SLC35D4: variants seen among roughly 807,000 people sequenced by gnomAD.
SLC35D4 encodes the protein UDP-N-acetylglucosamine transporter SLC35D4.
At chr18:23,285,179 C>G in the SLC35D4 span, among the ~76,000 whole-genome samples, 1 of 152,010 alleles carries the variant, frequency 6.6e-6, no homozygotes, top group South Asian at 2.1e-4. Flanking sequence ...TTATCTGTGC[C>G]CCAACCCCTT....
the SLC35D4 span, chr18:23,258,482 CATGCAAGATTTTAA>C: frequency 6.6e-6 from 1 of 152,250 alleles, no homozygotes; most frequent in East Asian, 1.9e-4. Context: ...CAGGGCTGTT[CATGCAAGATTTTAA>C]TGGTGACTTG....
the SLC35D4 span, among the ~76,000 whole-genome samples, chr18:23,364,933 A>AAAAAAT: frequency 0.026 from 409 of 15,660 alleles, 130 homozygotes; most frequent in South Asian, 0.074. Context: ...AAAAAAAAAA[A>AAAAAAT]GGACTCCTTT....
At chr18:23,434,987 A>C in the SLC35D4 span, among the ~76,000 whole-genome samples, 7 of 151,566 alleles carry the variant, frequency 4.6e-5, no homozygotes, top group Admixed American at 2.6e-4. Flanking sequence ...ACGAAACTCC[A>C]TCTCTACTAA....
chr18:23,349,504 A>G, the SLC35D4 span, among the ~76,000 whole-genome samples: 1 of 152,146 alleles, frequency 6.6e-6, no homozygotes, highest in African/African-American at 2.4e-5. Flanking sequence ...GGTGGCACGC[A>G]CCTGTAGTCC....
the SLC35D4 span, among the ~76,000 whole-genome samples, chr18:23,341,607 G>A: frequency 2.6e-5 from 4 of 152,182 alleles, no homozygotes; most frequent in Non-Finnish European, 5.9e-5. Flanking sequence ...ATGACATCAT[G>A]GGAATGCTGT....
chr18:23,258,148 G>A, the SLC35D4 span: 1 of 152,406 alleles, frequency 6.6e-6, no homozygotes, highest in South Asian at 2.1e-4. Context: ...CAGTCGCGTG[G>A]AAGGACGTGG....
At chr18:23,253,106 A>G in the SLC35D4 span, 14 of 1,141,576 alleles carry the variant, frequency 1.2e-5, no homozygotes, top group Non-Finnish European at 1.9e-5. Flanking sequence ...TTCCCTGCAA[A>G]CCCCTCTTTC....
chr18:23,318,710 CTA>C, the SLC35D4 span, among the ~76,000 whole-genome samples: 1 of 152,124 alleles, frequency 6.6e-6, no homozygotes, highest in African/African-American at 2.4e-5. Flanking sequence ...CAATATCATG[CTA>C]TGTGATATAA....
the SLC35D4 span, among the ~76,000 whole-genome samples, chr18:23,389,793 C>T: frequency 6.6e-6 from 1 of 152,178 alleles, no homozygotes; most frequent in Non-Finnish European, 1.5e-5. Flanking sequence ...CCCACCTCGG[C>T]CTCTCAAAGT....
At chr18:23,393,080 T>C in the SLC35D4 span, among the ~76,000 whole-genome samples, 8 of 152,028 alleles carry the variant, frequency 5.3e-5, no homozygotes, top group Non-Finnish European at 1.2e-4. Context: ...CATGCCAGGA[T>C]AATTTTTTGT....
the SLC35D4 span, among the ~76,000 whole-genome samples, chr18:23,324,243 C>T: frequency 5.3e-5 from 8 of 152,130 alleles, no homozygotes; most frequent in African/African-American, 9.7e-5. Context: ...AGCTCTCACA[C>T]GACACCCACC....
At chr18:23,252,257 T>C in the SLC35D4 span, among the ~76,000 whole-genome samples, 1 of 152,018 alleles carries the variant, frequency 6.6e-6, no homozygotes, top group Non-Finnish European at 1.5e-5. Flanking sequence ...AGTGTTTCAA[T>C]TGGGAAGATG....
chr18:23,238,922 ACAGTGTAG>A, the SLC35D4 span, among the ~76,000 whole-genome samples: 1 of 152,222 alleles, frequency 6.6e-6, no homozygotes, highest in Non-Finnish European at 1.5e-5. Context: ...CTTTGGGCCA[ACAGTGTAG>A]CAGATTTCTA....
At chr18:23,248,426 G>GC in the SLC35D4 span, among the ~76,000 whole-genome samples, 1 of 150,970 alleles carries the variant, frequency 6.6e-6, no homozygotes, top group Non-Finnish European at 1.5e-5. Flanking sequence ...CAGGTCTGCA[G>GC]CCCCGACCAC....
the SLC35D4 span, among the ~76,000 whole-genome samples, chr18:23,347,418 T>TC: frequency 6.6e-6 from 1 of 150,912 alleles, no homozygotes; most frequent in Admixed American, 6.6e-5. Context: ...TCTCTCTCTC[T>TC]TCTCTCCTAT....
chr18:23,314,244 G>T, the SLC35D4 span, among the ~76,000 whole-genome samples: 26 of 152,292 alleles, frequency 1.7e-4, no homozygotes, highest in African/African-American at 6.0e-4. Context: ...CGTGCAAAAG[G>T]CCTCATGCTC....
chr18:23,297,788 C>T, the SLC35D4 span: 1 of 531,550 alleles, frequency 1.9e-6, no homozygotes, highest in Non-Finnish European at 3.4e-6. Context: ...CCTGCAGACC[C>T]CCAGAAAGGG....
the SLC35D4 span, among the ~76,000 whole-genome samples, chr18:23,323,035 C>T: frequency 1.3e-5 from 2 of 152,188 alleles, no homozygotes; most frequent in African/African-American, 4.8e-5. Context: ...TACTAGTCTC[C>T]CAAGTTAAGC....
At chr18:23,248,235 C>A in the SLC35D4 span, among the ~76,000 whole-genome samples, 6 of 152,222 alleles carry the variant, frequency 3.9e-5, no homozygotes, top group Non-Finnish European at 7.3e-5. Context: ...CGGATATCGT[C>A]AGTGCCTTTA....
Sources: allele counts gnomAD v4.1 joint callset (sites outside exome capture counted in the v4.1 genomes callset), GRCh38; gene constraint gnomAD v4.1.1; transcripts MANE v1.5; gene names NCBI Gene and HGNC (gene_info 2026-07-23, HGNC 2026-07-21).